The following ERLEC1 variants were observed in gnomAD, a reference collection of about 807,000 sequenced individuals.
ERLEC1 encodes the protein endoplasmic reticulum lectin 1, also known as ER lectin.
In ERLEC1, 47 loss-of-function variants were observed where a neutral mutation model predicts 68.0. That is an observed-to-expected ratio of 0.69 (90% confidence interval 0.55 to 0.88). The LOEUF (loss-of-function observed/expected upper bound fraction) is 0.88. ERLEC1 is among the 40% of genes least tolerant of loss of function. ERLEC1 has a pLI of 0.00. For missense variants in ERLEC1, 567 were observed against 583.8 expected (o/e 0.97, Z 0.30); for synonymous variants, 225 against 203.2 (o/e 1.11, Z -0.91).
At chr2:53,810,342 A>G (rs1676525060) in intron 10 of ERLEC1, among the ~76,000 whole-genome samples, 1 of 152,142 alleles carries the variant, frequency 6.6e-6, no homozygotes, top group Admixed American at 6.5e-5. Flanking sequence ...AGAAAATACC[A>G]TATCATCTAA....
At chr2:53,788,168 C>T (rs1468977566) in intron 1 of ERLEC1, among the ~76,000 whole-genome samples, 1 of 152,160 alleles carries the variant, frequency 6.6e-6, no homozygotes, top group Admixed American at 6.5e-5. Flanking sequence ...TCATTTACTT[C>T]AAATTGAAGT....
At position 53,808,411 on chromosome 2, in the gene ERLEC1, A is replaced by T. The variant is rs764612131; in HGVS notation, c.992A>T (p.Asp331Val). ...VGTTHISKLTDDQLIKEFLSG... is the reference protein window; with the variant it reads ...VGTTHISKLTVDQLIKEFLSG... ...ACAACCCACATATCCAAATTGACAG[A>T]TGACCAACTCATAAAAGAGTTTCTT... Residue 331 changes from aspartate (D) to valine (V), a missense_variant, in exon 9 of 14, where the codon GAT (aspartate) becomes GTT (valine). Transcript: ENST00000185150. 2.5e-6 allele frequency: 4 copies of T among 1,614,076 alleles called. No homozygotes were observed. The African/African-American group carries it at 5.3e-5, about 22-fold the overall frequency.
At chr2:53,790,998 T>G (rs1277777752) in intron 1 of ERLEC1, among the ~76,000 whole-genome samples, 1 of 152,216 alleles carries the variant, frequency 6.6e-6, no homozygotes, top group Non-Finnish European at 1.5e-5. Context: ...GTTGTTGATG[T>G]AGAATATATT....
At chr2:53,797,364 T>A in intron 3 of ERLEC1, 151 bp from the exon 4 acceptor site, 1 of 575,744 alleles carries the variant, frequency 1.7e-6, no homozygotes, top group East Asian at 3.0e-5. Flanking sequence ...ACTTCAGAAA[T>A]TTCACATTTT....
chr2:53,809,748 A>G (rs895033909), intron 10 of ERLEC1, among the ~76,000 whole-genome samples: 3 of 151,950 alleles, frequency 2.0e-5, no homozygotes, highest in African/African-American at 4.8e-5. Flanking sequence ...GTGAGACTCC[A>G]TCTCAAAAAA....
intron 10 of ERLEC1, among the ~76,000 whole-genome samples, 154 bp downstream of exon 10, chr2:53,809,427 G>C (rs1231478655): frequency 2.6e-5 from 4 of 152,098 alleles, no homozygotes; most frequent in African/African-American, 9.7e-5. Context: ...TTGGAAAATG[G>C]AACATTTGGC....
At chr2:53,802,288 A>G (rs1321071602) in intron 8 of ERLEC1, among the ~76,000 whole-genome samples, 1 of 152,112 alleles carries the variant, frequency 6.6e-6, no homozygotes, top group African/African-American at 2.4e-5. Context: ...ATTTTTAATA[A>G]TCTCACACTC....
At chr2:53,799,174 T>C in intron 6 of ERLEC1, 93 bp downstream of exon 6, 1 of 1,045,078 alleles carries the variant, frequency 9.6e-7, no homozygotes, top group Non-Finnish European at 1.4e-6. Context: ...TATCTTTATG[T>C]TCTTATTCTT....
chr2:53,787,765 C>G (rs1002992092), intron 1 of ERLEC1, among the ~76,000 whole-genome samples: 1 of 152,210 alleles, frequency 6.6e-6, no homozygotes, highest in Non-Finnish European at 1.5e-5. Context: ...ACATGTCACC[C>G]TGCCCACACC....
chr2:53,791,934 C>T (rs1021911632), intron 1 of ERLEC1, among the ~76,000 whole-genome samples: 4 of 141,218 alleles, frequency 2.8e-5, no homozygotes, highest in Non-Finnish European at 6.1e-5. Flanking sequence ...AAAAAAAAGA[C>T]GGAGCCTCGC....
chr2:53,793,603 CCTTTTTTT>C (rs1209380728), intron 1 of ERLEC1, among the ~76,000 whole-genome samples: 1 of 150,178 alleles, frequency 6.7e-6, no homozygotes, highest in Non-Finnish European at 1.5e-5. Flanking sequence ...CCTCTTAGTG[CCTTTTTTT>C]CTTTTTTTCT....
chr2:53,817,840 T>A, intron 13 of ERLEC1, 58 bp from the exon 14 acceptor site: 1 of 967,070 alleles, frequency 1.0e-6, no homozygotes, highest in Non-Finnish European at 1.7e-6. Flanking sequence ...TTCAGCAGAA[T>A]AGTACTGAAA....
chr2:53,801,673 G>A (rs747954309), intron 7 of ERLEC1, 40 bp from the exon 8 acceptor site: 1 of 1,612,984 alleles, frequency 6.2e-7, no homozygotes, highest in Non-Finnish European at 8.5e-7. Flanking sequence ...GCTTTAAAGT[G>A]TTCTGTGCAT....
intron 5 of ERLEC1, 82 bp from the exon 6 acceptor site, chr2:53,798,965 G>A (rs1245276231): frequency 8.4e-7 from 1 of 1,193,818 alleles, no homozygotes; most frequent in African/African-American, 1.5e-5. Flanking sequence ...GAAGATTAAG[G>A]TTACAAAGGT....
chr2:53,809,981 G>A (rs1386205495), intron 10 of ERLEC1, among the ~76,000 whole-genome samples: 1 of 152,120 alleles, frequency 6.6e-6, no homozygotes, highest in African/African-American at 2.4e-5. Context: ...AACCTGGGAG[G>A]CAGAGGTTGC....
At chr2:53,799,260 T>C (rs80280587) in intron 6 of ERLEC1, among the ~76,000 whole-genome samples, 179 bp downstream of exon 6, 3,184 of 152,286 alleles carry the variant, frequency 0.021, 100 homozygotes, top group African/African-American at 0.072. Flanking sequence ...AAAGTTACAC[T>C]GTGGTCTTTC....
At chr2:53,801,661 A>C in intron 7 of ERLEC1, 41 bp downstream of exon 7, 1 of 1,613,026 alleles carries the variant, frequency 6.2e-7, no homozygotes, top group Non-Finnish European at 8.5e-7. Flanking sequence ...AAATGCACAC[A>C]TGCTTTAAAG....
In ERLEC1 at chr2:53,813,865, T is replaced by G. The variant is rs190699928; in HGVS notation, c.1227-678T>G. Among the ~76,000 whole-genome samples the G allele has an allele frequency of 4.8e-3, 738 of 152,232 alleles. 7 individuals are homozygous for G. Among genetic ancestry groups the G allele is most frequent in the Non-Finnish European group, 6.3e-3 (430 of 67,994 alleles). Reference sequence around the variant, plus strand: ...CAGGTTAGTTACATATGTATACATGTGCCATGCTGGTGTGCTGCACCCATT... The same window carrying G: ...CAGGTTAGTTACATATGTATACATGGGCCATGCTGGTGTGCTGCACCCATT... On this transcript the variant is annotated intron_variant, in intron 11 of 13. Coordinates refer to ENST00000185150, the MANE Select transcript of ERLEC1 (RefSeq NM_015701.5).
At chr2:53,796,513 A>G (rs1046264685) in intron 3 of ERLEC1, among the ~76,000 whole-genome samples, 1 of 151,246 alleles carries the variant, frequency 6.6e-6, no homozygotes, top group African/African-American at 2.4e-5. Context: ...AGGCTAGAGT[A>G]TAGTGGCATG....
Sources: allele counts gnomAD v4.1 joint callset (sites outside exome capture counted in the v4.1 genomes callset), GRCh38; gene constraint gnomAD v4.1.1; transcripts MANE v1.5; gene names NCBI Gene and HGNC (gene_info 2026-07-23, HGNC 2026-07-21).